Variants in ENTREP2 observed in about 807,000 individuals in gnomAD.
ENTREP2 encodes the protein endosomal transmembrane epsin interactor 2.
chr15:29,335,320 G>C, the ENTREP2 span, among the ~76,000 whole-genome samples: 7 of 152,314 alleles, frequency 4.6e-5, no homozygotes, highest in Admixed American at 3.9e-4. Context: ...TAACAAGTAA[G>C]CAGGACTAAT....
the ENTREP2 span, among the ~76,000 whole-genome samples, chr15:29,395,200 G>T: frequency 0.67 from 100,004 of 149,344 alleles, 35,015 homozygotes; most frequent in Admixed American, 0.77. Context: ...TCCTTCCTTT[G>T]TAAGTCTAAT....
the ENTREP2 span, among the ~76,000 whole-genome samples, chr15:29,238,467 C>T: frequency 2.6e-5 from 4 of 151,652 alleles, no homozygotes; most frequent in African/African-American, 9.7e-5. Context: ...CCCATCTCTA[C>T]TAAAAAAAAA....
the ENTREP2 span, among the ~76,000 whole-genome samples, chr15:29,518,184 G>C: frequency 6.6e-6 from 1 of 152,106 alleles, no homozygotes; most frequent in Non-Finnish European, 1.5e-5. Context: ...CTGGGTGAAA[G>C]AGTGAGACCT....
the ENTREP2 span, among the ~76,000 whole-genome samples, chr15:29,533,539 G>C: frequency 6.6e-6 from 1 of 152,156 alleles, no homozygotes; most frequent in Non-Finnish European, 1.5e-5. Flanking sequence ...GTGAGAAATA[G>C]CATTTCTTCA....
chr15:29,374,174 G>GA, the ENTREP2 span: 1 of 152,086 alleles, frequency 6.6e-6, no homozygotes, highest in African/African-American at 2.4e-5. Flanking sequence ...CAGTCTCACA[G>GA]AAAAAATATG....
the ENTREP2 span, among the ~76,000 whole-genome samples, chr15:29,338,741 A>C: frequency 6.6e-6 from 1 of 152,180 alleles, no homozygotes; most frequent in Non-Finnish European, 1.5e-5. Context: ...GACGGGAGTA[A>C]ACTGGTTTTC....
At chr15:29,181,210 CAAG>C in the ENTREP2 span, among the ~76,000 whole-genome samples, 1 of 152,160 alleles carries the variant, frequency 6.6e-6, no homozygotes, top group East Asian at 1.9e-4. Context: ...AACATAGTCT[CAAG>C]AAGAAGGAGG....
chr15:29,256,294 A>G, the ENTREP2 span, among the ~76,000 whole-genome samples: 1 of 152,202 alleles, frequency 6.6e-6, no homozygotes, highest in East Asian at 1.9e-4. Flanking sequence ...CAACACACCC[A>G]GGTAACAAAC....
the ENTREP2 span, among the ~76,000 whole-genome samples, chr15:29,448,878 G>A: frequency 6.6e-6 from 1 of 152,146 alleles, no homozygotes; most frequent in Non-Finnish European, 1.5e-5. Flanking sequence ...AGATACAAAT[G>A]AAATCTGGGT....
the ENTREP2 span, among the ~76,000 whole-genome samples, chr15:29,435,923 A>T: frequency 6.6e-6 from 1 of 152,096 alleles, no homozygotes; most frequent in Non-Finnish European, 1.5e-5. Flanking sequence ...GAAACATGAC[A>T]GCAGAGCACA....
chr15:29,407,817 C>CA, the ENTREP2 span, among the ~76,000 whole-genome samples: 1 of 151,764 alleles, frequency 6.6e-6, no homozygotes, highest in Non-Finnish European at 1.5e-5. Context: ...AGGCACCCAC[C>CA]AGCACACCCC....
At chr15:29,577,724 G>A in the ENTREP2 span, among the ~76,000 whole-genome samples, 1 of 152,144 alleles carries the variant, frequency 6.6e-6, no homozygotes. Context: ...AATGTGGTCT[G>A]TACATACATT....
the ENTREP2 span, among the ~76,000 whole-genome samples, chr15:29,651,916 G>C: frequency 2.6e-5 from 4 of 152,176 alleles, no homozygotes; most frequent in East Asian, 7.7e-4. Context: ...CAGGGGGTGG[G>C]TCCCCAGTGA....
At chr15:29,662,211 CAAAAAAAAAA>C in the ENTREP2 span, among the ~76,000 whole-genome samples, 2 of 46,948 alleles carry the variant, frequency 4.3e-5, no homozygotes, top group Non-Finnish European at 8.5e-5. Flanking sequence ...AACCCTGTCG[CAAAAAAAAAA>C]AAAAAAAAAA....
the ENTREP2 span, among the ~76,000 whole-genome samples, chr15:29,141,026 C>T: frequency 4.6e-4 from 70 of 152,326 alleles, 1 homozygote; most frequent in African/African-American, 1.4e-3. Context: ...CAGTCTGCTC[C>T]GGGGAGAGGG....
the ENTREP2 span, among the ~76,000 whole-genome samples, chr15:29,411,895 C>T: frequency 6.6e-6 from 1 of 152,158 alleles, no homozygotes; most frequent in African/African-American, 2.4e-5. Context: ...TGCCCTGCAT[C>T]GTTTCATATA....
At chr15:29,246,392 CA>C in the ENTREP2 span, among the ~76,000 whole-genome samples, 41,833 of 90,760 alleles carry the variant, frequency 0.46, 7,575 homozygotes, top group East Asian at 0.58. Context: ...ACCCTGTTTC[CA>C]AAAAAAAAAA....
At chr15:29,198,325 G>A in the ENTREP2 span, among the ~76,000 whole-genome samples, 3 of 152,246 alleles carry the variant, frequency 2.0e-5, no homozygotes, top group South Asian at 6.2e-4. Context: ...CAGGAAACCC[G>A]TGGAGCACCC....
At chr15:29,145,976 G>C in the ENTREP2 span, among the ~76,000 whole-genome samples, 1 of 152,122 alleles carries the variant, frequency 6.6e-6, no homozygotes, top group African/African-American at 2.4e-5. Context: ...CAGGATATGA[G>C]ATCAATATAA....
Sources: gnomAD v4.1 joint callset for allele counts (sites outside exome capture counted in the v4.1 genomes callset) on GRCh38, gnomAD v4.1.1 for gene constraint, MANE v1.5 for transcripts, NCBI Gene and HGNC (gene_info 2026-07-23, HGNC 2026-07-21) for gene names.